Variants in FHIT observed in about 807,000 individuals in gnomAD.
FHIT encodes bis(5'-adenosyl)-triphosphatase.
FHIT carries 19 observed loss-of-function variants against 17.9 expected under a neutral mutation model. The ratio of observed to expected loss-of-function variants is 1.06; its 90% confidence interval spans 0.74 to 1.56. FHIT has a LOEUF of 1.56. Ranked by LOEUF, FHIT falls within the 40% of genes most tolerant of loss-of-function variation. FHIT has a pLI of 0.00. For synonymous variants in FHIT, 81 were observed against 69.7 expected (o/e 1.16, Z -0.81); for missense variants, 248 against 189.2 (o/e 1.31, Z -1.82).
At chr3:60,490,544 TCTTTTAAA>T (rs1405565949) in intron 5 of FHIT, among the ~76,000 whole-genome samples, 5,859 of 152,194 alleles carry the variant, frequency 0.038, 356 homozygotes, top group African/African-American at 0.13. Flanking sequence ...CCCAGGTGTC[TCTTTTAAA>T]CCTCTTGCTC....
chr3:61,186,499 A>C (rs1024268316), intron 2 of FHIT, among the ~76,000 whole-genome samples: 4 of 152,322 alleles, frequency 2.6e-5, no homozygotes, highest in African/African-American at 9.6e-5. Flanking sequence ...GGGTAGCCAT[A>C]GCTGGCTGGA....
intron 2 of FHIT, among the ~76,000 whole-genome samples, chr3:61,147,697 T>C (rs1255349532): frequency 2.0e-5 from 3 of 152,034 alleles, no homozygotes; most frequent in African/African-American, 7.2e-5. Context: ...GGGTTTAAAA[T>C]GATTCCCCTA....
chr3:60,701,429 C>A (rs1036947178), intron 4 of FHIT, among the ~76,000 whole-genome samples: 18 of 152,218 alleles, frequency 1.2e-4, no homozygotes, highest in Middle Eastern at 3.4e-3. Flanking sequence ...GTCTCCCCCC[C>A]AAACTCAGGG....
chr3:59,858,244 T>A (rs1221680074), intron 8 of FHIT, among the ~76,000 whole-genome samples: 4 of 131,624 alleles, frequency 3.0e-5, no homozygotes, highest in African/African-American at 1.4e-4. Flanking sequence ...TTCTTTTTTT[T>A]TTTTTTTTTT....
chr3:60,701,422 TC>T (rs782506020), intron 4 of FHIT, among the ~76,000 whole-genome samples: 1 of 151,448 alleles, frequency 6.6e-6, no homozygotes, highest in South Asian at 2.1e-4. Context: ...CAAATCAGTC[TC>T]CCCCCCAAAC....
At chr3:59,939,215 A>C (rs905550153) in intron 7 of FHIT, among the ~76,000 whole-genome samples, 2 of 152,156 alleles carry the variant, frequency 1.3e-5, no homozygotes, top group Non-Finnish European at 2.9e-5. Context: ...GGGTGATATC[A>C]GTGATTGAGG....
intron 5 of FHIT, among the ~76,000 whole-genome samples, chr3:60,462,263 A>G (rs2032520261): frequency 6.6e-6 from 1 of 152,022 alleles, no homozygotes; most frequent in South Asian, 2.1e-4. Context: ...TCTCCACCAC[A>G]CCTTTAAGAA....
intron 5 of FHIT, among the ~76,000 whole-genome samples, chr3:60,472,845 G>C (rs914750349): frequency 6.6e-6 from 1 of 152,094 alleles, no homozygotes; most frequent in African/African-American, 2.4e-5. Flanking sequence ...TTGGGGGTGG[G>C]GGTGGAGAAT....
intron 5 of FHIT, among the ~76,000 whole-genome samples, chr3:60,117,729 A>G (rs1705037028): frequency 1.3e-5 from 2 of 152,144 alleles, no homozygotes; most frequent in South Asian, 4.2e-4. Context: ...AGCTGATTCC[A>G]TTAAAAAGTT....
intron 5 of FHIT, among the ~76,000 whole-genome samples, chr3:60,407,219 T>C (rs1701897106): frequency 6.6e-6 from 1 of 152,010 alleles, no homozygotes; most frequent in Non-Finnish European, 1.5e-5. Context: ...GATATTTCTG[T>C]TTCTCTTTTA....
chr3:60,469,626 A>ATCTC (rs934262965), intron 5 of FHIT, among the ~76,000 whole-genome samples: 1 of 151,358 alleles, frequency 6.6e-6, no homozygotes, highest in East Asian at 1.9e-4. Context: ...AAGCTCACAT[A>ATCTC]TCTCTCTCTC....
At chr3:60,014,691 A>G (rs1275616957) in intron 5 of FHIT, among the ~76,000 whole-genome samples, 1 of 152,258 alleles carries the variant, frequency 6.6e-6, no homozygotes. Context: ...GAAAATGTAC[A>G]GTGAACTTTA....
chr3:59,980,297 A>G (rs1708596485), intron 7 of FHIT, among the ~76,000 whole-genome samples: 1 of 152,172 alleles, frequency 6.6e-6, no homozygotes, highest in African/African-American at 2.4e-5. Flanking sequence ...AGGTGGCTGA[A>G]TGGACAACAA....
chr3:60,793,820 A>G lies in FHIT; in HGVS notation c.-18+28099T>C, dbSNP rs141716845. ...GCCATCCTGGGGGTTCCTAAACTCC[A>G]AGCACTTCCAGCTCTCAGCAGACCT... On this transcript the variant is annotated intron_variant, in intron 4 of 9. Coordinates refer to ENST00000492590, the MANE Select transcript of FHIT (RefSeq NM_002012.4). Among the ~76,000 whole-genome samples the G allele has an allele frequency of 3.5e-4, 53 of 152,296 alleles. 1 individual carries two copies. Among genetic ancestry groups the G allele is most frequent in the Middle Eastern group, 3.4e-3 (1 of 294 alleles).
At chr3:61,032,720 A>T (rs1056882164) in intron 3 of FHIT, among the ~76,000 whole-genome samples, 2 of 152,242 alleles carry the variant, frequency 1.3e-5, no homozygotes, top group African/African-American at 4.8e-5. Context: ...AGCCAAAGAC[A>T]GTATATTAGC....
intron 8 of FHIT, among the ~76,000 whole-genome samples, chr3:59,812,370 C>G (rs1700437631): frequency 6.6e-6 from 1 of 152,054 alleles, no homozygotes; most frequent in African/African-American, 2.4e-5. Context: ...GATAGCTCAC[C>G]CACAGGGGCT....
At chr3:60,564,340 C>G (rs977373139) in intron 4 of FHIT, among the ~76,000 whole-genome samples, 1 of 152,140 alleles carries the variant, frequency 6.6e-6, no homozygotes, top group Non-Finnish European at 1.5e-5. Context: ...TAGAGATGTA[C>G]AAGGAGATGA....
intron 5 of FHIT, among the ~76,000 whole-genome samples, chr3:60,031,765 A>C (rs913870925): frequency 6.6e-6 from 1 of 152,228 alleles, no homozygotes; most frequent in African/African-American, 2.4e-5. Flanking sequence ...TGGGGGTCCC[A>C]CAGAGGCTTA....
chr3:60,725,273 A>T (rs1412606705), intron 4 of FHIT, among the ~76,000 whole-genome samples: 1 of 152,196 alleles, frequency 6.6e-6, no homozygotes, highest in East Asian at 1.9e-4. Flanking sequence ...CCTTTAAAGC[A>T]TAAAAGTTTT....
Sources: allele counts gnomAD v4.1 joint callset (sites outside exome capture counted in the v4.1 genomes callset), GRCh38; gene constraint gnomAD v4.1.1; transcripts MANE v1.5; gene names NCBI Gene and HGNC (gene_info 2026-07-23, HGNC 2026-07-21).